CD109: variants seen among roughly 807,000 people sequenced by gnomAD.
CD109 encodes CD109 antigen.
CD109 carries 149 observed loss-of-function variants against 165.8 expected under a neutral mutation model. The ratio of observed to expected loss-of-function variants is 0.90; its 90% confidence interval spans 0.79 to 1.03. CD109 has a LOEUF of 1.03. Among genes scored for constraint, CD109 ranks in the 50% least tolerant of loss-of-function variants. The probability of loss-of-function intolerance (pLI) is 0.00; values close to 1 mark genes in which losing one functional copy is unlikely to be tolerated. For missense variants in CD109, 1,712 were observed against 1,677.8 expected, an observed-to-expected ratio of 1.02 and a Z score of -0.36; for synonymous variants, 585 against 592.1, an observed-to-expected ratio of 0.99 and a Z score of 0.18.
At chr6:73,696,027 T>C (rs1770809937), upstream of CD109, 9 of 580,654 alleles carry the variant, frequency 1.5e-5, no homozygotes, top group Non-Finnish European at 2.8e-5. Context: ...GTAATGGGGA[T>C]GGGAGGGGTG....
intron 5 of CD109, among the ~76,000 whole-genome samples, chr6:73,744,290 T>C (rs1772899294): frequency 6.6e-6 from 1 of 152,250 alleles, no homozygotes; most frequent in Admixed American, 6.5e-5. Context: ...TGGGAACTCA[T>C]TCATGCTTGT....
chr6:73,781,500 C>T (rs190461664), intron 17 of CD109, among the ~76,000 whole-genome samples, 181 bp downstream of exon 17: 36 of 152,122 alleles, frequency 2.4e-4, no homozygotes, highest in African/African-American at 7.5e-4. Flanking sequence ...TGACATGGAA[C>T]GTTCATCTGA....
intron 8 of CD109, 105 bp downstream of exon 8, chr6:73,762,585 C>G (rs1773676917): frequency 1.0e-6 from 1 of 983,030 alleles, no homozygotes; most frequent in Non-Finnish European, 1.5e-6. Context: ...GTAAGAAAAT[C>G]AAGAGCTTTC....
intron 28 of CD109, among the ~76,000 whole-genome samples, chr6:73,811,497 C>T (rs940477906): frequency 2.0e-5 from 3 of 152,088 alleles, no homozygotes; most frequent in Non-Finnish European, 4.4e-5. Context: ...ACATCTATCC[C>T]CATCATACAT....
In CD109 at chr6:73,730,576, T is replaced by C. The variant is rs754963873; in HGVS notation, c.507+2T>C. ...ACCTCTTTAAACATTCTCATTAAGG[T>C]AAGTGCCAGACAGAAATGAAGCAAG... On this transcript the variant is annotated splice_donor_variant, in intron 4 of 32. Transcript: ENST00000287097. LOFTEE classifies it high-confidence loss of function. 1 of 1,582,990 alleles carries C rather than the reference T, an allele frequency of 6.3e-7. No homozygotes were observed. The highest frequency in any genetic ancestry group is 8.7e-7 in the Non-Finnish European group (1 of 1,152,940).
At chr6:73,776,099 T>A (rs1257590450) in intron 15 of CD109, among the ~76,000 whole-genome samples, 1 of 152,194 alleles carries the variant, frequency 6.6e-6, no homozygotes, top group African/African-American at 2.4e-5. Context: ...TGTCACATTG[T>A]CTTGTACAAT....
chr6:73,805,912 A>G (rs1775545114), intron 24 of CD109, among the ~76,000 whole-genome samples: 1 of 152,214 alleles, frequency 6.6e-6, no homozygotes, highest in Admixed American at 6.5e-5. Context: ...TTCTTAGTAC[A>G]GAACAAAATG....
chr6:73,741,132 A>G (rs1313150848), intron 5 of CD109, among the ~76,000 whole-genome samples: 1 of 150,014 alleles, frequency 6.7e-6, no homozygotes, highest in Non-Finnish European at 1.5e-5. Context: ...AGTTTAATCA[A>G]ATTGCAAAGA....
Position 73,696,296 on chromosome 6 carries a change from A to ACGTGGGCGCGCGGGGGGCG in CD109, c.74+10_74+28dup. ...CGCTGGCCGTGGCTCCCGGGTAGGAACGTGGGCGCGCGGGGGGCGCGCGGG... is the reference window on the plus strand; with the variant it reads ...CGCTGGCCGTGGCTCCCGGGTAGGAACGTGGGCGCGCGGGGGGCGCGTGGGCGCGCGGGGGGCGCGCGGG... On this transcript the variant is annotated splice_region_variant and intron_variant, in intron 1 of 32. Transcript: ENST00000287097. The ACGTGGGCGCGCGGGGGGCG allele has an allele frequency of 1.3e-6, 2 of 1,499,334 alleles. No individual in the cohort carries two copies. The highest frequency in any genetic ancestry group is 1.5e-5 in the African/African-American group (1 of 68,630). The allele number at this position is 1,499,334 out of a possible 1,614,324, so 92.9% of individuals were successfully genotyped here. A position where few individuals can be genotyped will look rare whatever the true frequency, so the allele number is the denominator to read the frequency against.
chr6:73,700,440 A>G (rs575315490), intron 2 of CD109, among the ~76,000 whole-genome samples: 13 of 152,222 alleles, frequency 8.5e-5, no homozygotes, highest in Admixed American at 2.0e-4. Context: ...ATAAAGATTT[A>G]TCTTCTAGTA....
chr6:73,792,744 T>TA lies in CD109; in HGVS notation c.2825dup (p.Lys943GlufsTer6). On this transcript the variant is annotated frameshift_variant, in exon 23 of 33. Coordinates refer to ENST00000287097, the MANE Select transcript of CD109 (RefSeq NM_133493.5). LOFTEE classifies it high-confidence loss of function. ...ATATTTACATTTTGGATTATCTGAC[T>TA]AAAAAGAAACAACTGACAGATAATT... is the stretch of plus-strand genomic sequence containing the variant. 1.2e-6 allele frequency: 2 copies of TA among 1,612,590 alleles called. No individual in the cohort carries two copies. Among genetic ancestry groups the TA allele is most frequent in the South Asian group, 1.1e-5 (1 of 91,014 alleles).
rs764943343 is a variant in CD109, at chr6:73,810,224, T to G, written c.3546+50T>G. The G allele has an allele frequency of 6.5e-6, 3 of 461,438 alleles. No homozygotes were observed. The South Asian group carries it at 2.5e-4, about 38-fold the overall frequency. The allele number at this position is 461,438 out of a possible 1,614,324, so 28.6% of individuals were successfully genotyped here. ...TTAAACTATAATATATAATATAGAT[T>G]TATTTATTATATATATTTTATATAT... On this transcript the variant is annotated intron_variant, in intron 27 of 32. Transcript: ENST00000287097.
Position 73,697,677 on chromosome 6 carries a change from A to C in CD109, c.247+105A>C, listed in dbSNP as rs1019411028. The C allele has an allele frequency of 5.9e-6, 5 of 847,866 alleles. No individual in the cohort carries two copies. In the African/African-American group the frequency reaches 8.5e-5, roughly 14 times the overall value. The allele number at this position is 847,866 out of a possible 1,614,324, so 52.5% of individuals were successfully genotyped here. On this transcript the variant is annotated intron_variant, in intron 2 of 32. Coordinates refer to ENST00000287097, the MANE Select transcript of CD109 (RefSeq NM_133493.5). ...AGCAGAGAAACCCCAAATTTGCAGTATCTTACCTAATATACTTTTAATTCT... is the reference window on the plus strand; with the variant it reads ...AGCAGAGAAACCCCAAATTTGCAGTCTCTTACCTAATATACTTTTAATTCT...
At chr6:73,783,884 G>C in intron 19 of CD109, 60 bp downstream of exon 19, 1 of 898,828 alleles carries the variant, frequency 1.1e-6, no homozygotes, top group African/African-American at 1.9e-5. Flanking sequence ...TACAGCGTCA[G>C]CTCCTCAATT....
intron 5 of CD109, among the ~76,000 whole-genome samples, chr6:73,745,746 T>G (rs1413458118): frequency 6.6e-6 from 1 of 152,218 alleles, no homozygotes; most frequent in Non-Finnish European, 1.5e-5. Context: ...TGTTTGTTTT[T>G]GAGACAGAGT....
intron 32 of CD109, among the ~76,000 whole-genome samples, chr6:73,821,211 G>A (rs1273996382): frequency 2.0e-5 from 3 of 152,166 alleles, no homozygotes; most frequent in South Asian, 4.1e-4. Context: ...TAATGTAAAT[G>A]ACGAGTTAAC....
the CD109 span, among the ~76,000 whole-genome samples, chr6:73,681,119 G>T: frequency 6.6e-6 from 1 of 152,228 alleles, no homozygotes; most frequent in East Asian, 1.9e-4. Flanking sequence ...CATAGAAAGT[G>T]TCTGAAAACC....
chr6:73,815,855 C>A (rs998549192), intron 30 of CD109, among the ~76,000 whole-genome samples: 1 of 151,952 alleles, frequency 6.6e-6, no homozygotes, highest in Non-Finnish European at 1.5e-5. Context: ...TTTTTTCTTT[C>A]ATGAATCTAT....
intron 22 of CD109, among the ~76,000 whole-genome samples, chr6:73,790,099 CT>C (rs56024477): frequency 0.12 from 15,923 of 129,898 alleles, 1,197 homozygotes; most frequent in Non-Finnish European, 0.16. Context: ...GCTAAAAGTC[CT>C]TTTTTTTTTT....
Sources: allele counts gnomAD v4.1 joint callset (sites outside exome capture counted in the v4.1 genomes callset), GRCh38; gene constraint gnomAD v4.1.1; transcripts MANE v1.5; gene names NCBI Gene and HGNC (gene_info 2026-07-23, HGNC 2026-07-21).